The following BRD10 variants were observed in gnomAD, a reference collection of about 807,000 sequenced individuals.
BRD10 encodes bromodomain containing 10, also known as uncharacterized bromodomain-containing protein 10.
the BRD10 span, chr9:6,007,726 G>A: frequency 2.4e-5 from 39 of 1,600,302 alleles, no homozygotes; most frequent in East Asian, 4.5e-5. Flanking sequence ...TTCGGCCGCC[G>A]GTGGCGGCCG....
At chr9:5,963,972 G>T in the BRD10 span, among the ~76,000 whole-genome samples, 37 of 151,780 alleles carry the variant, frequency 2.4e-4, no homozygotes, top group South Asian at 1.2e-3. Context: ...ACCTAGGCAT[G>T]ACCATTCAGG....
chr9:5,968,148 C>T, the BRD10 span: 2 of 1,590,326 alleles, frequency 1.3e-6, no homozygotes, highest in African/African-American at 1.3e-5. Context: ...TCATTCAAAA[C>T]ATCTTTCAAT....
chr9:5,970,922 C>T, the BRD10 span, among the ~76,000 whole-genome samples: 1 of 151,802 alleles, frequency 6.6e-6, no homozygotes, highest in Non-Finnish European at 1.5e-5. Context: ...CATGGTGGCA[C>T]ATGCCTATAA....
the BRD10 span, among the ~76,000 whole-genome samples, chr9:5,977,124 T>C: frequency 1.3e-5 from 2 of 152,210 alleles, no homozygotes; most frequent in African/African-American, 4.8e-5. Context: ...GAAACACAGT[T>C]TGCCTGGTAG....
chr9:6,008,000 G>T, the BRD10 span: 1 of 1,265,376 alleles, frequency 7.9e-7, no homozygotes, highest in Non-Finnish European at 9.9e-7. Flanking sequence ...GAGGAGGGGG[G>T]AGAGAAGAGG....
At chr9:5,955,562 G>A in the BRD10 span, among the ~76,000 whole-genome samples, 1 of 151,804 alleles carries the variant, frequency 6.6e-6, no homozygotes. Flanking sequence ...TAATCATATC[G>A]CAGAACTGTA....
the BRD10 span, chr9:5,988,215 G>A: frequency 2.9e-5 from 19 of 644,408 alleles, no homozygotes; most frequent in South Asian, 2.4e-4. Context: ...ATTTTATTGC[G>A]ATATTTCATT....
At chr9:5,962,438 T>C in the BRD10 span, among the ~76,000 whole-genome samples, 5 of 94,800 alleles carry the variant, frequency 5.3e-5, no homozygotes, top group African/African-American at 8.4e-5. Context: ...CCAAAAAGAG[T>C]CCAGGACCAG....
At chr9:5,929,245 C>T in the BRD10 span, 3 of 689,084 alleles carry the variant, frequency 4.4e-6, no homozygotes, top group East Asian at 2.7e-5. Context: ...TACAAAAACA[C>T]CAATACTCCA....
At chr9:5,907,477 T>C in the BRD10 span, among the ~76,000 whole-genome samples, 1 of 152,228 alleles carries the variant, frequency 6.6e-6, no homozygotes, top group African/African-American at 2.4e-5. Context: ...TGAAATAAGA[T>C]GTATTATAAT....
At chr9:5,971,990 G>T in the BRD10 span, among the ~76,000 whole-genome samples, 3 of 152,122 alleles carry the variant, frequency 2.0e-5, no homozygotes. Context: ...CACATTTCCT[G>T]AGTGCCCAGA....
the BRD10 span, chr9:5,923,008 C>T: frequency 1.2e-6 from 2 of 1,613,824 alleles, no homozygotes; most frequent in Non-Finnish European, 1.7e-6. Flanking sequence ...GGAGAGTAGA[C>T]ACTGGTACTG....
the BRD10 span, among the ~76,000 whole-genome samples, chr9:5,988,014 G>C: frequency 6.6e-6 from 1 of 152,076 alleles, no homozygotes; most frequent in African/African-American, 2.4e-5. Flanking sequence ...AGATTCTCCT[G>C]ATTTTAAAGG....
chr9:5,986,147 C>T, the BRD10 span, among the ~76,000 whole-genome samples: 31 of 152,240 alleles, frequency 2.0e-4, no homozygotes, highest in African/African-American at 7.2e-4. Context: ...TTACAGGCTC[C>T]GGTGTGTGTT....
chr9:5,885,276 C>T, the BRD10 span, among the ~76,000 whole-genome samples: 1 of 152,234 alleles, frequency 6.6e-6, no homozygotes, highest in South Asian at 2.1e-4. Flanking sequence ...ACTGGGCACC[C>T]CCTCCGAACT....
the BRD10 span, among the ~76,000 whole-genome samples, chr9:5,940,933 T>A: frequency 2.0e-5 from 3 of 152,204 alleles, no homozygotes; most frequent in Admixed American, 6.5e-5. Context: ...CTTTCATTTA[T>A]CATCACATAA....
At chr9:5,924,266 A>C in the BRD10 span, among the ~76,000 whole-genome samples, 8 of 152,114 alleles carry the variant, frequency 5.3e-5, no homozygotes, top group Non-Finnish European at 1.5e-5. Context: ...ACTCCTAGAA[A>C]TGTAATAATG....
the BRD10 span, among the ~76,000 whole-genome samples, chr9:5,901,799 G>A: frequency 6.6e-6 from 1 of 152,220 alleles, no homozygotes; most frequent in African/African-American, 2.4e-5. Flanking sequence ...TGGGATTACA[G>A]GCGTGAGCCA....
At chr9:5,963,694 T>C in the BRD10 span, among the ~76,000 whole-genome samples, 1,277 of 152,242 alleles carry the variant, frequency 8.4e-3, 23 homozygotes, top group African/African-American at 0.03. Context: ...ATGGTACTGG[T>C]ACCAAAACAG....
Sources: gnomAD v4.1 joint callset for allele counts (sites outside exome capture counted in the v4.1 genomes callset) on GRCh38, gnomAD v4.1.1 for gene constraint, MANE v1.5 for transcripts, NCBI Gene and HGNC (gene_info 2026-07-23, HGNC 2026-07-21) for gene names.